Variants in GDPD5 observed in about 807,000 individuals in gnomAD.
GDPD5 encodes the protein glycerophosphodiester phosphodiesterase 2.
GDPD5 carries 48 observed loss-of-function variants against 75.1 expected under a neutral mutation model. The observed-to-expected ratio is 0.64, with a 90% CI of 0.51 to 0.81. The LOEUF is 0.81. Among genes scored for constraint, GDPD5 ranks in the 40% least tolerant of loss-of-function variants. The probability of loss-of-function intolerance (pLI) is 0.00; values close to 1 mark genes in which losing one functional copy is unlikely to be tolerated. For missense variants in GDPD5, 706 were observed against 822.6 expected (o/e 0.86, Z 1.73); for synonymous variants, 336 against 339.0 (o/e 0.99, Z 0.10).
intron 1 of GDPD5, among the ~76,000 whole-genome samples, chr11:75,503,871 C>T (rs750965137): frequency 1.3e-5 from 2 of 152,344 alleles, no homozygotes; most frequent in South Asian, 4.1e-4. Context: ...TGTTCATCTC[C>T]CAGCCCCCTG....
chr11:75,483,567 T>C (rs965838256), intron 2 of GDPD5, among the ~76,000 whole-genome samples: 1 of 152,168 alleles, frequency 6.6e-6, no homozygotes, highest in African/African-American at 2.4e-5. Context: ...CTGGTCACCC[T>C]CAACTGAATT....
At chr11:75,516,429 C>T (rs1223816267) in intron 1 of GDPD5, among the ~76,000 whole-genome samples, 4 of 152,220 alleles carry the variant, frequency 2.6e-5, no homozygotes, top group Non-Finnish European at 5.9e-5. Context: ...GCAAGGAGAC[C>T]AAGCACTGCC....
At chr11:75,440,955 ATGAGGCC>A (rs1948779351) in intron 14 of GDPD5, among the ~76,000 whole-genome samples, 2 of 152,300 alleles carry the variant, frequency 1.3e-5, no homozygotes, top group African/African-American at 4.8e-5. Context: ...CTCCCTGTGG[ATGAGGCC>A]CAGGGTCCTC....
At chr11:75,448,471 C>T in intron 9 of GDPD5, 1 of 985,686 alleles carries the variant, frequency 1.0e-6, no homozygotes. Flanking sequence ...GGCAACATGG[C>T]TCTGGAGCCT....
chr11:75,472,615 A>G (rs557931446), intron 3 of GDPD5, among the ~76,000 whole-genome samples: 1 of 152,258 alleles, frequency 6.6e-6, no homozygotes, highest in South Asian at 2.1e-4. Flanking sequence ...GTACGCCTAC[A>G]TTCTCTGACA....
chr11:75,482,625 T>A (rs1338891519), intron 2 of GDPD5, among the ~76,000 whole-genome samples: 1 of 152,114 alleles, frequency 6.6e-6, no homozygotes, highest in African/African-American at 2.4e-5. Flanking sequence ...CAATCCAAAC[T>A]CTTACCTGCA....
At chr11:75,512,325 CG>C (rs1313624562) in intron 1 of GDPD5, among the ~76,000 whole-genome samples, 1 of 149,166 alleles carries the variant, frequency 6.7e-6, no homozygotes, top group South Asian at 2.2e-4. Flanking sequence ...CACACACACA[CG>C]AGGGGAGAGG....
chr11:75,439,948 T>C lies in GDPD5; in HGVS notation c.1487A>G (p.Tyr496Cys). 1 of 1,613,652 alleles carries C rather than the reference T, an allele frequency of 6.2e-7. No individual in the cohort carries two copies. The highest frequency in any genetic ancestry group is 1.1e-5 in the South Asian group (1 of 91,032). The change falls in exon 15 of 17, where the codon TAC becomes TGC. Residue 496 changes from tyrosine to cysteine, a missense_variant. Coordinates refer to ENST00000336898, the MANE Select transcript of GDPD5 (RefSeq NM_030792.8). ...SPLWIMPPDE[Y>C]CLMWVTADLV... ...GTCGGCAGTGACCCACATGAGACAG[T>C]ACTCGTCCGGGGGCTGTGGACAGAC...
At chr11:75,435,781 C>G in intron 16 of GDPD5, 126 bp from the exon 17 acceptor site, 1 of 931,920 alleles carries the variant, frequency 1.1e-6, no homozygotes, top group Non-Finnish European at 1.6e-6. Context: ...CCACTGGGCT[C>G]AGGTCGACAT....
chr11:75,521,637 A>G (rs191228597), intron 1 of GDPD5, among the ~76,000 whole-genome samples: 22 of 152,286 alleles, frequency 1.4e-4, no homozygotes, highest in Non-Finnish European at 2.4e-4. Flanking sequence ...AGTAGGTATT[A>G]TTTTTTACTA....
intron 1 of GDPD5, among the ~76,000 whole-genome samples, chr11:75,494,161 G>C (rs936859575): frequency 7.3e-5 from 11 of 150,636 alleles, no homozygotes; most frequent in Admixed American, 2.0e-4. Flanking sequence ...AAACACTCTT[G>C]AAAACATACA....
At chr11:75,435,910 CAT>C (rs1360321852) in intron 16 of GDPD5, among the ~76,000 whole-genome samples, 1 of 152,230 alleles carries the variant, frequency 6.6e-6, no homozygotes, top group Non-Finnish European at 1.5e-5. Context: ...GCTTGGCACC[CAT>C]GTGTCCACTC....
chr11:75,486,378 C>T (rs1211726403), intron 2 of GDPD5, among the ~76,000 whole-genome samples: 2 of 152,214 alleles, frequency 1.3e-5, no homozygotes, highest in Non-Finnish European at 2.9e-5. Flanking sequence ...TCGTCCTGAG[C>T]ACCAGGGCAG....
chr11:75,490,881 T>C (rs910838774), intron 1 of GDPD5: 5 of 152,158 alleles, frequency 3.3e-5, no homozygotes, highest in African/African-American at 1.2e-4. Flanking sequence ...CACCCAGGAA[T>C]TGGGAAAAGA....
chr11:75,459,329 A>T, intron 4 of GDPD5, among the ~76,000 whole-genome samples: 1 of 134,968 alleles, frequency 7.4e-6, no homozygotes, highest in Non-Finnish European at 1.6e-5. Flanking sequence ...GGTCAAAGAG[A>T]ATGAATTTTT....
intron 5 of GDPD5, 95 bp from the exon 6 acceptor site, chr11:75,456,911 C>T: frequency 2.4e-6 from 3 of 1,269,550 alleles, no homozygotes; most frequent in South Asian, 1.2e-5. Context: ...CGGCTCTGGG[C>T]CTGACCCTGG....
intron 1 of GDPD5, among the ~76,000 whole-genome samples, chr11:75,496,779 C>CTTTCTTTTTTTT (rs58663409): frequency 1.0e-3 from 103 of 103,148 alleles, no homozygotes; most frequent in East Asian, 1.3e-3. Flanking sequence ...TTCTTTCTTT[C>CTTTCTTTTTTTT]TTTTTTTTTT....
chr11:75,455,399 C>T (rs1257077438), intron 6 of GDPD5: 2 of 456,370 alleles, frequency 4.4e-6, no homozygotes, highest in Non-Finnish European at 8.8e-6. Flanking sequence ...GGACCAGGGG[C>T]TGCTCACGGC....
At chr11:75,443,075 A>G (rs1428168179) in intron 11 of GDPD5, 61 bp downstream of exon 11, 1 of 1,549,858 alleles carries the variant, frequency 6.5e-7, no homozygotes, top group South Asian at 1.2e-5. Context: ...TGCACCTCTC[A>G]CTCCTTGCAG....
Sources: gnomAD v4.1 joint callset for allele counts (sites outside exome capture counted in the v4.1 genomes callset) on GRCh38, gnomAD v4.1.1 for gene constraint, MANE v1.5 for transcripts, NCBI Gene and HGNC (gene_info 2026-07-23, HGNC 2026-07-21) for gene names.